FAT2: variants seen among roughly 807,000 people sequenced by gnomAD.
The protein encoded by FAT2 is FAT atypical cadherin 2.
Under a neutral mutation model 295.3 loss-of-function variants are expected in FAT2, and 150 were observed. The observed-to-expected ratio is 0.51, with a 90% CI of 0.44 to 0.58. FAT2 has a LOEUF of 0.58. FAT2 is among the 20% of genes least tolerant of loss of function. The probability of loss-of-function intolerance (pLI) is 0.00; values close to 1 mark genes in which losing one functional copy is unlikely to be tolerated. For synonymous variants in FAT2, 2,026 were observed against 2,150.3 expected (o/e 0.94, Z 1.60); for missense variants, 4,868 against 5,442.7 (o/e 0.89, Z 3.32).
intron 9 of FAT2, among the ~76,000 whole-genome samples, chr5:151,547,786 G>A (rs183463444): frequency 1.3e-5 from 2 of 152,220 alleles, no homozygotes; most frequent in Admixed American, 1.3e-4. Context: ...GCACAAAATT[G>A]TATATTCATT....
rs149092969 is a variant in FAT2 at position 151,545,021 on chromosome 5, G to A, written c.6106C>T (p.His2036Tyr). The change falls in exon 10 of 24, where the codon CAT (histidine) becomes TAT (tyrosine). Residue 2036 changes from histidine (H) to tyrosine (Y), a missense_variant. Coordinates refer to ENST00000261800, the MANE Select transcript of FAT2 (RefSeq NM_001447.3). ...VAFDREQQDT[H>Y]ELAVEVRDNR... The stretch of plus-strand genomic sequence containing the variant: ...TCCCTCACTTCCACTGCCAACTCAT[G>A]AGTGTCCTGCTGCTCCCGGTCAAAC... 2.5e-6 allele frequency: 4 copies of A among 1,614,092 alleles called. No homozygotes were observed. The highest frequency in any genetic ancestry group is 2.7e-5 in the African/African-American group (2 of 74,942).
chr5:151,587,312 T>C (rs933523306), intron 1 of FAT2, among the ~76,000 whole-genome samples: 2 of 152,184 alleles, frequency 1.3e-5, no homozygotes, highest in Non-Finnish European at 2.9e-5. Context: ...AATGACATGC[T>C]CCTTGGCCTG....
chr5:151,563,964 T>C (rs993370294), intron 2 of FAT2, among the ~76,000 whole-genome samples: 3 of 152,364 alleles, frequency 2.0e-5, no homozygotes, highest in African/African-American at 7.2e-5. Context: ...CCAAATTCCA[T>C]TGATCTATTT....
chr5:151,576,718 A>G (rs1344627015), intron 1 of FAT2, among the ~76,000 whole-genome samples: 1 of 152,232 alleles, frequency 6.6e-6, no homozygotes, highest in African/African-American at 2.4e-5. Flanking sequence ...GAATGGTGAC[A>G]TTCTAGGTAC....
Position 151,540,556 on chromosome 5 carries a change from C to T in FAT2, c.9039+11G>A, listed in dbSNP as rs2127602118. ...CTTCACTACCCACTCCACCCCTCGCCAGGCTCTCACCTGTGAACACTGTGG... is the reference window on the plus strand; with the variant it reads ...CTTCACTACCCACTCCACCCCTCGCTAGGCTCTCACCTGTGAACACTGTGG... On this transcript the variant is annotated intron_variant, in intron 11 of 23. Transcript: ENST00000261800. The T allele has an allele frequency of 6.2e-7, 1 of 1,602,484 alleles. No individual in the cohort carries two copies. Among genetic ancestry groups the T allele is most frequent in the Non-Finnish European group, 8.5e-7 (1 of 1,171,678 alleles).
At position 151,544,734 on chromosome 5, in the gene FAT2, A is replaced by G. The variant is rs1462574695; in HGVS notation, c.6393T>C (p.Phe2131=). 1.9e-6 allele frequency: 3 copies of G among 1,614,052 alleles called. No homozygotes were observed. Among genetic ancestry groups the G allele is most frequent in the African/African-American group, 2.7e-5 (2 of 74,930 alleles). ...GATATTTATTTAAAGCTTGATAATC[A>G]AAGGGTTTCTTGAGTGATATGTCCC... ...YLGDISLKKP[F]DYQALNKYHL... Residue 2131 remains phenylalanine (F), a synonymous_variant, in exon 10 of 24, where the codon TTT becomes TTC. Coordinates refer to ENST00000261800, the MANE Select transcript of FAT2 (RefSeq NM_001447.3).
chr5:151,553,437 A>G (rs1757397838), intron 5 of FAT2, 50 bp from the exon 6 acceptor site: 2 of 1,540,986 alleles, frequency 1.3e-6, no homozygotes, highest in Non-Finnish European at 1.8e-6. Flanking sequence ...AGAGACAGGA[A>G]GACCCAAGCA....
chr5:151,536,881 GTCCTCTCTCC>G (rs1213592042), intron 12 of FAT2, among the ~76,000 whole-genome samples: 18 of 152,310 alleles, frequency 1.2e-4, no homozygotes, highest in African/African-American at 4.3e-4. Context: ...CTCATTCTTT[GTCCTCTCTCC>G]TCCCTCTCTG....
rs1380510421 is a variant in FAT2 at position 151,566,345 on chromosome 5, T to C, written c.2587A>G (p.Thr863Ala). 6.2e-7 allele frequency: 1 copy of C among 1,614,106 alleles called. No individual in the cohort carries two copies. Among genetic ancestry groups the C allele is most frequent in the Admixed American group, 1.7e-5 (1 of 60,018 alleles). Residue 863 changes from threonine (T) to alanine (A), a missense_variant, in exon 2 of 24, where the codon ACA becomes GCA. By Grantham distance (58) the Thr-to-Ala change is moderately conservative. Around this residue, in one of 5 missense-constraint regions of FAT2, gnomAD observed 3,297 missense variants for 3,669.4 expected, o/e 0.90. Transcript: ENST00000261800. ...GRVRYTLLSPTEKFSLHPLTG... is the reference protein window; with the variant it reads ...GRVRYTLLSPAEKFSLHPLTG... ...AGAGGGTGGAGGGAGAACTTCTCTG[T>C]GGGACTTAGCAGGGTGTAGCGAACC...
Position 151,554,653 on chromosome 5 carries a change from C to G in FAT2, c.3654G>C (p.Gly1218=), listed in dbSNP as rs376271920. 6.2e-7 allele frequency: 1 copy of G among 1,613,438 alleles called. No individual in the cohort carries two copies. The highest frequency in any genetic ancestry group is 8.5e-7 in the Non-Finnish European group (1 of 1,179,860). ...HILEVTVLDN[G]EPSLKSTSRV... is the part of the protein sequence containing the mutation. Reference sequence around the variant, plus strand: ...TGGAGGTGGACTTCAGTGAGGGTTCCCCATTGTCCAGCACAGTCACCTGGG... The same window carrying G: ...TGGAGGTGGACTTCAGTGAGGGTTCGCCATTGTCCAGCACAGTCACCTGGG... Residue 1218 remains glycine, a synonymous_variant, in exon 5 of 24, where the codon GGG becomes GGC. Transcript: ENST00000261800.
intron 10 of FAT2, among the ~76,000 whole-genome samples, chr5:151,541,491 G>A (rs1004784706): frequency 6.6e-6 from 1 of 152,160 alleles, no homozygotes; most frequent in Admixed American, 6.5e-5. Context: ...GTGGTTCTTG[G>A]TTGGAATTTC....
chr5:151,588,527 C>T (rs931826337), intron 1 of FAT2, among the ~76,000 whole-genome samples: 1 of 152,150 alleles, frequency 6.6e-6, no homozygotes, highest in Non-Finnish European at 1.5e-5. Flanking sequence ...ACTTAGTCCT[C>T]CAGTAAGCAG....
chr5:151,535,423 A>G (rs1293639031), intron 12 of FAT2, among the ~76,000 whole-genome samples: 2 of 152,064 alleles, frequency 1.3e-5, no homozygotes, highest in African/African-American at 2.4e-5. Context: ...TGCTGACATC[A>G]TGAGGCTCCC....
chr5:151,584,035 A>G (rs1220008810), intron 1 of FAT2, among the ~76,000 whole-genome samples: 2 of 150,990 alleles, frequency 1.3e-5, no homozygotes, highest in Admixed American at 1.3e-4. Context: ...TTTTTTTTAA[A>G]CACTAGTAAA....
intron 13 of FAT2, among the ~76,000 whole-genome samples, chr5:151,533,864 C>A (rs923233113): frequency 5.9e-5 from 9 of 151,736 alleles, no homozygotes; most frequent in Non-Finnish European, 1.2e-4. Context: ...ATAATTGGTA[C>A]AATATGGAAC....
intron 13 of FAT2, 54 bp from the exon 14 acceptor site, chr5:151,532,024 G>A (rs1323842682): frequency 1.3e-6 from 2 of 1,587,482 alleles, no homozygotes; most frequent in East Asian, 2.2e-5. Flanking sequence ...CTCTGGACCT[G>A]CCTGCAGCAA....
intron 12 of FAT2, among the ~76,000 whole-genome samples, chr5:151,534,970 AAT>A (rs138459865): frequency 0.038 from 4,042 of 106,388 alleles, 257 homozygotes; most frequent in African/African-American, 0.051. Context: ...CTTCTAGGAA[AAT>A]ATATATATAT....
chr5:151,563,615 A>C lies in FAT2; in HGVS notation c.3284T>G (p.Leu1095Arg). The change falls in exon 3 of 24, where the codon CTG becomes CGG. Residue 1095 changes from leucine to arginine, a missense_variant. By Grantham distance (102) the Leu-to-Arg change is moderately radical. Around this residue, in one of 5 missense-constraint regions of FAT2, gnomAD observed 3,297 missense variants for 3,669.4 expected, o/e 0.90. Transcript: ENST00000261800. Reference sequence around the variant, plus strand: ...GTAGTAAGATGCAAATTCTCGGTCCAGGGGTGCCAGAGTCTGAATCATTCC... The same window carrying C: ...GTAGTAAGATGCAAATTCTCGGTCCCGGGGTGCCAGAGTCTGAATCATTCC... ...DTGMIQTLAP[L>R]DREFASYYWL... is the part of the protein sequence containing the mutation. 1 of 1,614,136 alleles carries C rather than the reference A, an allele frequency of 6.2e-7. No homozygotes were observed. The highest frequency in any genetic ancestry group is 8.5e-7 in the Non-Finnish European group (1 of 1,180,024).
rs374807522 is a variant in FAT2, at chr5:151,566,064, G to A, written c.2868C>T (p.Pro956=). Residue 956 remains proline (P), a synonymous_variant, in exon 2 of 24, where the codon CCC becomes CCT. Transcript: ENST00000261800. Reference sequence around the variant, plus strand: ...TCAGAACATATCGCACTTCACCTGCGGGGCCCAGGTCAGGATCAGAGGCAT... The same window carrying A: ...TCAGAACATATCGCACTTCACCTGCAGGGCCCAGGTCAGGATCAGAGGCAT... ...FLDASDPDLG[P]AGEVRYVLMD... is the part of the protein sequence containing the mutation. 103 of 1,613,990 alleles carry A rather than the reference G, an allele frequency of 6.4e-5. No homozygotes were observed. The highest frequency in any genetic ancestry group is 7.9e-5 in the Non-Finnish European group (93 of 1,180,026).
Sources: gnomAD v4.1 joint callset for allele counts (sites outside exome capture counted in the v4.1 genomes callset) on GRCh38, gnomAD v4.1.1 for gene constraint, gnomAD v4.1.1 regional missense constraint, MANE v1.5 for transcripts, NCBI Gene and HGNC (gene_info 2026-07-23, HGNC 2026-07-21) for gene names.